Variants in EPHA6 observed in about 807,000 individuals in gnomAD.
The protein encoded by EPHA6 is ephrin type-A receptor 6.
In EPHA6, 50 loss-of-function variants were observed where a neutral mutation model predicts 112.0. That is an observed-to-expected ratio of 0.45 (90% CI 0.36 to 0.56). EPHA6 has a LOEUF of 0.56. Ranked by LOEUF, EPHA6 falls within the 20% of genes least tolerant of loss-of-function variation. The probability of loss-of-function intolerance (pLI) is 0.00; values close to 1 mark genes in which losing one functional copy is unlikely to be tolerated. For synonymous variants in EPHA6, 529 were observed against 490.7 expected (o/e 1.08, Z -1.03); for missense variants, 1,280 against 1,417.4 (o/e 0.90, Z 1.56).
intron 5 of EPHA6, among the ~76,000 whole-genome samples, chr3:97,366,857 T>C (rs2084761559): frequency 6.6e-6 from 1 of 152,226 alleles, no homozygotes; most frequent in African/African-American, 2.4e-5. Context: ...CTTTATTTCA[T>C]TGAACTTCTT....
intron 5 of EPHA6, among the ~76,000 whole-genome samples, chr3:97,347,331 A>T (rs1188351085): frequency 6.6e-6 from 1 of 152,142 alleles, no homozygotes; most frequent in Non-Finnish European, 1.5e-5. Flanking sequence ...TCACCTTATC[A>T]ATTGATACTA....
intron 3 of EPHA6, among the ~76,000 whole-genome samples, chr3:97,174,012 C>T (rs2076766751): frequency 6.6e-6 from 1 of 151,498 alleles, no homozygotes; most frequent in South Asian, 2.1e-4. Flanking sequence ...TAACCATCAC[C>T]TTCTACCTTC....
chr3:97,184,663 C>T (rs908238704), intron 3 of EPHA6, among the ~76,000 whole-genome samples: 2 of 152,114 alleles, frequency 1.3e-5, no homozygotes, highest in Non-Finnish European at 2.9e-5. Flanking sequence ...AGATTCAATG[C>T]CATCCCCATC....
intron 16 of EPHA6, among the ~76,000 whole-genome samples, chr3:97,742,223 T>G (rs1412313200): frequency 1.3e-5 from 2 of 152,134 alleles, no homozygotes; most frequent in Admixed American, 6.6e-5. Flanking sequence ...AGCATCCTTC[T>G]CATGACAACA....
chr3:97,070,574 T>C (rs2046320507), intron 3 of EPHA6, among the ~76,000 whole-genome samples: 1 of 152,134 alleles, frequency 6.6e-6, no homozygotes, highest in Non-Finnish European at 1.5e-5. Flanking sequence ...TCAGTAATGA[T>C]TTTGAATTAT....
At chr3:97,449,373 T>C (rs532568331) in intron 7 of EPHA6, among the ~76,000 whole-genome samples, 15 of 152,138 alleles carry the variant, frequency 9.9e-5, no homozygotes, top group Non-Finnish European at 2.2e-4. Context: ...GTGAGAATAG[T>C]AGGGATTGCT....
intron 16 of EPHA6, among the ~76,000 whole-genome samples, chr3:97,743,391 T>TA (rs1247810706): frequency 2.6e-5 from 4 of 152,074 alleles, no homozygotes; most frequent in African/African-American, 7.2e-5. Flanking sequence ...CTTATTCTTT[T>TA]AAAAAAATCT....
At chr3:97,301,731 T>C (rs2081099003) in intron 5 of EPHA6, among the ~76,000 whole-genome samples, 1 of 152,134 alleles carries the variant, frequency 6.6e-6, no homozygotes, top group East Asian at 1.9e-4. Flanking sequence ...AAATTAAAGC[T>C]TTTATATGAA....
chr3:96,850,969 A>C (rs1371001558), intron 1 of EPHA6, among the ~76,000 whole-genome samples: 3 of 152,152 alleles, frequency 2.0e-5, no homozygotes, highest in African/African-American at 7.2e-5. Flanking sequence ...GTATTTTAAA[A>C]ATAATTATCA....
chr3:97,662,514 G>A (rs1264943349), intron 14 of EPHA6, among the ~76,000 whole-genome samples: 3 of 152,102 alleles, frequency 2.0e-5, no homozygotes, highest in Non-Finnish European at 4.4e-5. Context: ...CCCTCTGAGA[G>A]AATGCATCCC....
intron 2 of EPHA6, among the ~76,000 whole-genome samples, chr3:96,951,637 T>A (rs1000521737): frequency 6.6e-6 from 1 of 152,154 alleles, no homozygotes; most frequent in Non-Finnish European, 1.5e-5. Context: ...CCATATTATG[T>A]CCTTTATGGT....
intron 5 of EPHA6, among the ~76,000 whole-genome samples, chr3:97,398,587 T>C (rs1379786346): frequency 6.6e-6 from 1 of 151,466 alleles, no homozygotes; most frequent in Non-Finnish European, 1.5e-5. Flanking sequence ...TTCATTTAAA[T>C]ATTCTTCATT....
At chr3:97,167,388 G>A (rs1179269919) in intron 3 of EPHA6, among the ~76,000 whole-genome samples, 1 of 151,816 alleles carries the variant, frequency 6.6e-6, no homozygotes, top group East Asian at 1.9e-4. Flanking sequence ...TCTTAATGAA[G>A]TCTCAATGAT....
rs1360644801 is a variant in EPHA6, at chr3:97,736,098, C to A, written c.3108C>A (p.Thr1036=). 6.2e-7 allele frequency: 1 copy of A among 1,611,722 alleles called. No individual in the cohort carries two copies. The part of the protein sequence containing the change: ...KLIRNPSALH[T]LVEDILVMPE... The stretch of plus-strand genomic sequence containing the variant: ...TCCGAAATCCCAGTGCCCTTCACAC[C>A]CTGGTGGAGGACATCCTTGTGTAAG... The change falls in exon 16 of 18, where the codon ACC becomes ACA. Residue 1036 remains threonine, a synonymous_variant. Transcript: ENST00000389672.
chr3:96,966,539 A>T (rs919685356), intron 2 of EPHA6, among the ~76,000 whole-genome samples: 4 of 152,130 alleles, frequency 2.6e-5, no homozygotes, highest in African/African-American at 9.7e-5. Context: ...CTCCCAAATT[A>T]GTTTAAGCAA....
Position 97,229,682 on chromosome 3 carries a change from A to C in EPHA6, c.1270+3263A>C, listed in dbSNP as rs988618960. Reference sequence around the variant, plus strand: ...TTCTTAGAGATGTCCCAATTTTTTAAACTTAACTAATGCAGTTCATAGATT... The same window carrying C: ...TTCTTAGAGATGTCCCAATTTTTTACACTTAACTAATGCAGTTCATAGATT... On this transcript the variant is annotated intron_variant, in intron 4 of 17. Coordinates refer to ENST00000389672, the MANE Select transcript of EPHA6 (RefSeq NM_001080448.3). Among the ~76,000 whole-genome samples, 7 of 152,202 alleles carry C rather than the reference A, an allele frequency of 4.6e-5. No individual in the cohort carries two copies. The South Asian group carries it at 1.2e-3, about 27-fold the overall frequency.
intron 14 of EPHA6, among the ~76,000 whole-genome samples, chr3:97,679,037 G>A (rs982188648): frequency 2.0e-5 from 3 of 151,948 alleles, no homozygotes; most frequent in Non-Finnish European, 2.9e-5. Context: ...CCAAATTCTT[G>A]TTTTTATGTT....
intron 3 of EPHA6, among the ~76,000 whole-genome samples, chr3:97,182,671 C>T (rs2077022392): frequency 6.6e-6 from 1 of 152,084 alleles, no homozygotes; most frequent in Non-Finnish European, 1.5e-5. Flanking sequence ...TTTGTGCAGA[C>T]TAAAGTGACT....
chr3:97,146,933 A>G (rs1244660419), intron 3 of EPHA6, among the ~76,000 whole-genome samples: 4 of 151,762 alleles, frequency 2.6e-5, no homozygotes, highest in African/African-American at 9.7e-5. Context: ...AATTAAAAAA[A>G]TAAATTTTAA....
Sources: gnomAD v4.1 joint callset for allele counts (sites outside exome capture counted in the v4.1 genomes callset) on GRCh38, gnomAD v4.1.1 for gene constraint, MANE v1.5 for transcripts, NCBI Gene and HGNC (gene_info 2026-07-23, HGNC 2026-07-21) for gene names.